Variants in JPH2 observed in about 807,000 individuals in gnomAD.
JPH2 encodes junctophilin-2.
JPH2 carries 38 observed loss-of-function variants against 55.9 expected under a neutral mutation model. The observed-to-expected ratio is 0.68, with a 90% CI of 0.52 to 0.89. JPH2 has a LOEUF of 0.89. Ranked by LOEUF, JPH2 falls within the 40% of genes least tolerant of loss-of-function variation. JPH2 has a pLI of 0.00. For synonymous variants in JPH2, 480 were observed against 472.4 expected (o/e 1.02, Z -0.21); for missense variants, 964 against 1,037.6 (o/e 0.93, Z 0.97).
intron 2 of JPH2, among the ~76,000 whole-genome samples, chr20:44,128,584 T>C (rs1351893225): frequency 2.0e-5 from 3 of 152,004 alleles, no homozygotes; most frequent in Admixed American, 6.5e-5. Context: ...TAAGACATAT[T>C]GTATGCACTA....
intron 2 of JPH2, among the ~76,000 whole-genome samples, chr20:44,145,603 CA>C (rs200580349): frequency 0.18 from 21,581 of 117,802 alleles, 1,687 homozygotes; most frequent in African/African-American, 0.27. Context: ...AACTCGATCT[CA>C]AAAAAAAAAA....
At chr20:44,126,980 T>A (rs2072281416) in intron 2 of JPH2, among the ~76,000 whole-genome samples, 1 of 152,238 alleles carries the variant, frequency 6.6e-6, no homozygotes, top group Non-Finnish European at 1.5e-5. Flanking sequence ...TAGCATGAAC[T>A]GAGCACGTAA....
intron 2 of JPH2, among the ~76,000 whole-genome samples, chr20:44,133,699 G>C (rs2072341128): frequency 6.6e-6 from 1 of 151,206 alleles, no homozygotes; most frequent in South Asian, 2.1e-4. Flanking sequence ...TATCAAGCAA[G>C]AAGAGGGAAA....
intron 2 of JPH2, among the ~76,000 whole-genome samples, chr20:44,137,710 G>C (rs566180409): frequency 1.5e-3 from 224 of 152,324 alleles, no homozygotes; most frequent in African/African-American, 5.3e-3. Flanking sequence ...CCAGGTACTG[G>C]AGGTCCAGAG....
Position 44,131,439 on chromosome 20 carries a change from A to C in JPH2, c.1170-12816T>G, listed in dbSNP as rs537499904. 2.0e-3 allele frequency among the ~76,000 whole-genome samples: 303 copies of C among 152,314 alleles called. 1 individual carries two copies. Among genetic ancestry groups the C allele is most frequent in the Non-Finnish European group, 3.8e-3 (259 of 68,028 alleles). ...CTATACCCTGATACCCGACCTGCAG[A>C]ACTGTTAAGACAACAAACGTGTGTT... is the stretch of plus-strand genomic sequence containing the variant. On this transcript the variant is annotated intron_variant, in intron 2 of 5. Coordinates refer to ENST00000372980, the MANE Select transcript of JPH2 (RefSeq NM_020433.5).
rs1442206114 is a variant in JPH2 at position 44,115,732 on chromosome 20, G to A, written c.1943C>T (p.Ala648Val). Residue 648 changes from alanine (A) to valine (V), a missense_variant, in exon 4 of 6, where the codon GCG becomes GTG. By Grantham distance (64) the Ala-to-Val change is moderately conservative. Coordinates refer to ENST00000372980, the MANE Select transcript of JPH2 (RefSeq NM_020433.5). ...RKTEARGLTK[A>V]GAKKKARKEA... ...CTTCCGCGCCTTCTTCTTGGCCCCC[G>A]CCTTGGTCAGCCCTCGAGCCTCAGT... is the stretch of plus-strand genomic sequence containing the variant. The A allele has an allele frequency of 6.2e-7, 1 of 1,613,492 alleles. No individual in the cohort carries two copies.
intron 2 of JPH2, among the ~76,000 whole-genome samples, chr20:44,149,761 C>T (rs2072518113): frequency 6.6e-6 from 1 of 152,058 alleles, no homozygotes; most frequent in Non-Finnish European, 1.5e-5. Flanking sequence ...GTGGGTCACT[C>T]GAGGTCAGGA....
At chr20:44,150,580 T>G (rs1233544269) in intron 2 of JPH2, among the ~76,000 whole-genome samples, 1 of 152,136 alleles carries the variant, frequency 6.6e-6, no homozygotes, top group Non-Finnish European at 1.5e-5. Context: ...AAGATAATCT[T>G]GAAAAAGAAG....
At chr20:44,139,728 A>G (rs2072442200) in intron 2 of JPH2, among the ~76,000 whole-genome samples, 1 of 152,256 alleles carries the variant, frequency 6.6e-6, no homozygotes, top group Non-Finnish European at 1.5e-5. Flanking sequence ...CATATTTTCC[A>G]TCTTAATAGA....
chr20:44,182,235 G>C (rs996150910), intron 1 of JPH2, among the ~76,000 whole-genome samples: 1 of 152,200 alleles, frequency 6.6e-6, no homozygotes, highest in Non-Finnish European at 1.5e-5. Context: ...TCGGGGCAAA[G>C]GGTGAGTGCA....
At chr20:44,173,208 A>C (rs2072710461) in intron 1 of JPH2, among the ~76,000 whole-genome samples, 2 of 152,222 alleles carry the variant, frequency 1.3e-5, no homozygotes, top group Non-Finnish European at 2.9e-5. Flanking sequence ...CAGAGGTTAC[A>C]GAACTTGTAA....
rs1230213677 is a variant in JPH2 at position 44,148,958 on chromosome 20, T to C, written c.1169+10660A>G. 2.6e-5 allele frequency among the ~76,000 whole-genome samples: 4 copies of C among 151,606 alleles called. No homozygotes were observed. The East Asian group carries it at 7.7e-4, about 29-fold the overall frequency. On this transcript the variant is annotated intron_variant, in intron 2 of 5. Coordinates refer to ENST00000372980, the MANE Select transcript of JPH2 (RefSeq NM_020433.5). ...GGTGAGCGCCCATAGTCCCAGCTAC[T>C]CGGGAGGCTGAGGCAGGAGAATGGC...
At chr20:44,170,135 C>T (rs1446607883) in intron 1 of JPH2, among the ~76,000 whole-genome samples, 1 of 152,100 alleles carries the variant, frequency 6.6e-6, no homozygotes, top group African/African-American at 2.4e-5. Context: ...TCTAGGAGTC[C>T]CCATTGCCTA....
Position 44,116,148 on chromosome 20 carries a change from T to A in JPH2, c.1527A>T (p.Pro509=), listed in dbSNP as rs1319845383. The A allele has an allele frequency of 7.0e-7, 1 of 1,430,646 alleles. No individual in the cohort carries two copies. Among genetic ancestry groups the A allele is most frequent in the South Asian group, 1.5e-5 (1 of 67,208 alleles). The allele number at this position is 1,430,646 out of a possible 1,614,324, so 88.6% of individuals were successfully genotyped here. The change falls in exon 4 of 6, where the codon CCA becomes CCT. Residue 509 remains proline, a synonymous_variant. Coordinates refer to ENST00000372980, the MANE Select transcript of JPH2 (RefSeq NM_020433.5). ...PGVSKDGLLS[P]GAWNGEPSGE... ...CGCTGGGCTCGCCGTTCCAGGCGCC[T>A]GGGCTCAGCAGGCCGTCCTTGGACA...
chr20:44,116,391 C>T lies in JPH2; in HGVS notation c.1289-5G>A. 6.5e-7 allele frequency: 1 copy of T among 1,547,068 alleles called. No individual in the cohort carries two copies. The highest frequency in any genetic ancestry group is 1.2e-5 in the South Asian group (1 of 83,936). ...GGCGCTTCTGATATTCCGGACCTGC[C>T]AGGGCAACACAGGGAGGCTGGGCTC... On this transcript the variant is annotated splice_region_variant and splice_polypyrimidine_tract_variant and intron_variant, in intron 3 of 5. Transcript: ENST00000372980.
chr20:44,177,724 A>G, intron 1 of JPH2: 1 of 1,374,046 alleles, frequency 7.3e-7, no homozygotes, highest in South Asian at 1.5e-5. Flanking sequence ...TCAAGGCAGA[A>G]CTAAGCGAAT....
chr20:44,169,728 T>C (rs537534718), intron 1 of JPH2, among the ~76,000 whole-genome samples: 11 of 152,178 alleles, frequency 7.2e-5, no homozygotes, highest in African/African-American at 2.7e-4. Context: ...CCTAAAAAGC[T>C]CAAATTGAAA....
intron 1 of JPH2, among the ~76,000 whole-genome samples, chr20:44,170,255 G>T (rs2072687473): frequency 6.6e-6 from 1 of 152,068 alleles, no homozygotes; most frequent in Admixed American, 6.6e-5. Context: ...ACCTCCTTCA[G>T]GGAACCACCT....
Position 44,159,697 on chromosome 20 carries a change from G to T in JPH2, c.1090C>A (p.Gln364Lys). 1 of 1,613,128 alleles carries T rather than the reference G, an allele frequency of 6.2e-7. No homozygotes were observed. ...CCCTCCACACTGTGCTCCACTTTCT[G>T]GCGGACCTTGTTGCTCTTGAGCTGC... ...MLQLKSNKVR[Q>K]KVEHSVEGAQ... The change falls in exon 2 of 6, where the codon CAG becomes AAG. Residue 364 changes from glutamine to lysine, a missense_variant. Gln to Lys is a moderately conservative substitution (Grantham distance 53). Coordinates refer to ENST00000372980, the MANE Select transcript of JPH2 (RefSeq NM_020433.5). This position sits in a 1 kb window ranked among gnomAD's most constrained non-coding sequence, Gnocchi z 5.7.
Sources: gnomAD v4.1 joint callset for allele counts (sites outside exome capture counted in the v4.1 genomes callset) on GRCh38, gnomAD v4.1.1 for gene constraint, Gnocchi (gnomAD v3.1) non-coding constraint, MANE v1.5 for transcripts, NCBI Gene and HGNC (gene_info 2026-07-23, HGNC 2026-07-21) for gene names.